PRELID3A: variants seen among roughly 807,000 people sequenced by gnomAD.
The protein encoded by PRELID3A is PRELI domain containing 3A, also known as PRELI domain containing protein 3A.
A neutral mutation model predicts 23.0 loss-of-function variants in PRELID3A; 27 were observed. The ratio of observed to expected loss-of-function variants is 1.17; its 90% CI spans 0.87 to 1.62. PRELID3A has a LOEUF of 1.62. PRELID3A is among the 40% of genes most tolerant of loss of function. The pLI, the probability that PRELID3A is intolerant of heterozygous loss-of-function variation, is 0.00. For synonymous variants in PRELID3A, 87 were observed against 86.4 expected (o/e 1.01, Z -0.04); for missense variants, 231 against 231.4 (o/e 1.00, Z 0.01).
chr18:12,408,373 C>T (rs1372350921), intron 1 of PRELID3A, among the ~76,000 whole-genome samples: 1 of 151,868 alleles, frequency 6.6e-6, no homozygotes, highest in Non-Finnish European at 1.5e-5. Flanking sequence ...GCGCTCGCTG[C>T]TCTCCTTGGG....
Position 12,427,048 on chromosome 18 carries a change from T to C in PRELID3A, c.299T>C (p.Leu100Pro). The change falls in exon 4 of 7, where the codon CTC becomes CCC. Residue 100 changes from leucine to proline, a missense_variant. Transcript: ENST00000440960. ...CTTTTTTTTCTTTTTAAGATCACAC[T>C]CACAAATTTGGTGTCAGTTAATGAG... ...KMELCSTNITLTNLVSVNERL... is the reference protein window; with the variant it reads ...KMELCSTNITPTNLVSVNERL... 6.2e-7 allele frequency: 1 copy of C among 1,611,556 alleles called. No individual in the cohort carries two copies. The highest frequency in any genetic ancestry group is 8.5e-7 in the Non-Finnish European group (1 of 1,177,714).
chr18:12,411,975 G>A (rs1380990022), intron 1 of PRELID3A, among the ~76,000 whole-genome samples: 3 of 149,352 alleles, frequency 2.0e-5, no homozygotes, highest in African/African-American at 5.0e-5. Flanking sequence ...CAGGGGCGCA[G>A]TCTCGGCTCA....
chr18:12,420,143 G>C (rs567814905), intron 1 of PRELID3A, 182 bp from the exon 2 acceptor site: 3 of 1,427,264 alleles, frequency 2.1e-6, no homozygotes, highest in Non-Finnish European at 2.7e-6. Context: ...GTGCCGAGGC[G>C]TGCAGGTGCT....
Position 12,421,630 on chromosome 18 carries a change from G to A in PRELID3A, c.291+1G>A. ...GAAAATGGAACTTTGTTCTACCAAT[G>A]TAAGCAATGGCCTCAGATGAGAAAC... On this transcript the variant is annotated splice_donor_variant, in intron 3 of 6. Transcript: ENST00000440960. LOFTEE classifies it high-confidence loss of function. The A allele has an allele frequency of 1.2e-6, 2 of 1,602,608 alleles. No individual in the cohort carries two copies. The highest frequency in any genetic ancestry group is 1.7e-6 in the Non-Finnish European group (2 of 1,169,612).
At chr18:12,429,471 T>C (rs958134277) in intron 6 of PRELID3A, 35 bp downstream of exon 6, 36 of 1,399,612 alleles carry the variant, frequency 2.6e-5, no homozygotes, top group Non-Finnish European at 3.3e-5. Flanking sequence ...GGGGGGTACT[T>C]GCAGCCTCTT....
At chr18:12,415,130 C>G (rs1221005671) in intron 1 of PRELID3A, among the ~76,000 whole-genome samples, 4 of 151,960 alleles carry the variant, frequency 2.6e-5, no homozygotes, top group Non-Finnish European at 4.4e-5. Context: ...GGATCTTGCT[C>G]TATTGCGCAG....
At chr18:12,411,230 G>A (rs900130010) in intron 1 of PRELID3A, among the ~76,000 whole-genome samples, 2 of 151,490 alleles carry the variant, frequency 1.3e-5, no homozygotes, top group African/African-American at 4.8e-5. Flanking sequence ...TTAAAAATGC[G>A]GGCGTTTCAC....
intron 5 of PRELID3A, among the ~76,000 whole-genome samples, chr18:12,429,035 C>T (rs961801367): frequency 1.3e-5 from 2 of 152,148 alleles, no homozygotes; most frequent in Non-Finnish European, 2.9e-5. Flanking sequence ...GTGGAGGTGT[C>T]ACCCTGGGCT....
Position 12,427,100 on chromosome 18 carries a change from G to A in PRELID3A, c.351G>A (p.Glu117=). Residue 117 remains glutamate (E), a synonymous_variant, in exon 4 of 7, where the codon GAG becomes GAA. Coordinates refer to ENST00000440960, the MANE Select transcript of PRELID3A (RefSeq NM_001142405.2). ...NERLVYTPHP[E]NPEMTVLTQE... ...GGTTGGTGTACACACCTCATCCAGA[G>A]AACCCAGAAATGTGAGTCATCTCCT... 6.2e-7 allele frequency: 1 copy of A among 1,613,382 alleles called. No individual in the cohort carries two copies.
chr18:12,408,419 G>A (rs1909798295), intron 1 of PRELID3A, among the ~76,000 whole-genome samples: 1 of 152,124 alleles, frequency 6.6e-6, no homozygotes, highest in Non-Finnish European at 1.5e-5. Context: ...CTGCAAGCTG[G>A]CGCCTTTGCT....
intron 1 of PRELID3A, among the ~76,000 whole-genome samples, chr18:12,408,347 G>C (rs987848563): frequency 1.6e-4 from 25 of 151,770 alleles, no homozygotes; most frequent in African/African-American, 5.1e-4. Context: ...GAGCCGGGGG[G>C]GCGGCCGGGG....
At chr18:12,421,273 T>G (rs1039841643) in intron 2 of PRELID3A, 2 of 444,518 alleles carry the variant, frequency 4.5e-6, no homozygotes, top group African/African-American at 2.0e-5. Context: ...AGGGGCCTCC[T>G]AGCTCCACTG....
chr18:12,428,009 G>T (rs1024540647), intron 5 of PRELID3A, among the ~76,000 whole-genome samples: 1 of 152,212 alleles, frequency 6.6e-6, no homozygotes, highest in Non-Finnish European at 1.5e-5. Context: ...AACAGTGTCA[G>T]GTAGGCTATT....
intron 1 of PRELID3A, chr18:12,420,026 TG>T: frequency 1.2e-6 from 1 of 822,506 alleles, no homozygotes; most frequent in Non-Finnish European, 1.7e-6. Context: ...CACTTGAGCC[TG>T]GGAGGTTTGA....
intron 6 of PRELID3A, among the ~76,000 whole-genome samples, chr18:12,429,908 C>T (rs904265853): frequency 6.6e-6 from 1 of 152,244 alleles, no homozygotes; most frequent in Non-Finnish European, 1.5e-5. Context: ...GCAGTGGAAG[C>T]CTTTCTGGCG....
intron 1 of PRELID3A, 24 bp downstream of exon 1, chr18:12,408,031 G>A (rs1449448704): frequency 8.0e-7 from 1 of 1,257,462 alleles, no homozygotes; most frequent in Non-Finnish European, 1.0e-6. Context: ...GAGGGCCGCG[G>A]TGGGGCCGTC....
chr18:12,423,803 G>T (rs1247414773), intron 3 of PRELID3A, among the ~76,000 whole-genome samples: 1 of 152,210 alleles, frequency 6.6e-6, no homozygotes, highest in African/African-American at 2.4e-5. Flanking sequence ...TCAGCATCTT[G>T]TGGGAGGCCC....
chr18:12,420,314 T>C lies in PRELID3A; in HGVS notation c.33-11T>C. ...GGCGCTTGCTCACCGCCGCCTATGC[T>C]CTCCCCGCAGCCACCCGTGGGACAC... On this transcript the variant is annotated splice_polypyrimidine_tract_variant and intron_variant, in intron 1 of 6. Transcript: ENST00000440960. The C allele has an allele frequency of 2.5e-6, 4 of 1,598,460 alleles. No homozygotes were observed. Among genetic ancestry groups the C allele is most frequent in the Non-Finnish European group, 3.4e-6 (4 of 1,173,452 alleles).
intron 1 of PRELID3A, among the ~76,000 whole-genome samples, chr18:12,416,248 C>T (rs1218858674): frequency 6.6e-6 from 1 of 152,174 alleles, no homozygotes; most frequent in Admixed American, 6.5e-5. Context: ...CCAGACTTGT[C>T]TATTTTTGCC....
Sources: allele counts gnomAD v4.1 joint callset (sites outside exome capture counted in the v4.1 genomes callset), GRCh38; gene constraint gnomAD v4.1.1; transcripts MANE v1.5; gene names NCBI Gene and HGNC (gene_info 2026-07-23, HGNC 2026-07-21).